MLLT3: variants seen among roughly 807,000 people sequenced by gnomAD.
MLLT3 encodes the protein protein AF-9.
A neutral mutation model predicts 53.2 loss-of-function variants in MLLT3; 4 were observed. The observed-to-expected ratio is 0.08, with a 90% confidence interval of 0.04 to 0.17. MLLT3 has a LOEUF of 0.17. Among genes scored for constraint, MLLT3 ranks in the 10% least tolerant of loss-of-function variants. MLLT3 has a pLI of 1.00. For synonymous variants in MLLT3, 283 were observed against 230.6 expected (o/e 1.23, Z -2.06); for missense variants, 569 against 684.0 (o/e 0.83, Z 1.87).
At chr9:20,611,041 T>C (rs1820688973) in intron 2 of MLLT3, among the ~76,000 whole-genome samples, 5 of 152,144 alleles carry the variant, frequency 3.3e-5, no homozygotes, top group Admixed American at 3.3e-4. Context: ...TAGAAGAATG[T>C]TTCTTCAATA....
chr9:20,347,189 T>C (rs938275113), intron 10 of MLLT3, among the ~76,000 whole-genome samples: 8 of 152,200 alleles, frequency 5.3e-5, no homozygotes, highest in African/African-American at 1.9e-4. Flanking sequence ...GGAACTGTTT[T>C]GTTGTTTGAC....
intron 8 of MLLT3, among the ~76,000 whole-genome samples, chr9:20,355,492 G>C (rs1410415315): frequency 2.6e-5 from 4 of 152,144 alleles, no homozygotes; most frequent in Non-Finnish European, 4.4e-5. Flanking sequence ...TACAACTTAA[G>C]TTATGAATAG....
chr9:20,436,716 C>G (rs1033563343), intron 4 of MLLT3, among the ~76,000 whole-genome samples: 1 of 152,052 alleles, frequency 6.6e-6, no homozygotes, highest in African/African-American at 2.4e-5. Context: ...GTATTTGATG[C>G]CTTAGTTTAC....
At chr9:20,458,906 A>G (rs1478410624) in intron 2 of MLLT3, among the ~76,000 whole-genome samples, 1 of 152,182 alleles carries the variant, frequency 6.6e-6, no homozygotes, top group Non-Finnish European at 1.5e-5. Context: ...CCCAATTGCC[A>G]TGTAGCCTTT....
chr9:20,441,422 G>A (rs1227086014), intron 4 of MLLT3, among the ~76,000 whole-genome samples: 2 of 151,996 alleles, frequency 1.3e-5, no homozygotes, highest in African/African-American at 4.8e-5. Context: ...TTGGAATTAA[G>A]GCTCACAATT....
chr9:20,500,399 T>C (rs909458641), intron 2 of MLLT3, among the ~76,000 whole-genome samples: 2 of 152,146 alleles, frequency 1.3e-5, no homozygotes, highest in South Asian at 2.1e-4. Flanking sequence ...AGAAATCACA[T>C]AGCATCATTT....
intron 4 of MLLT3, among the ~76,000 whole-genome samples, chr9:20,422,916 T>G (rs1823049509): frequency 6.6e-6 from 1 of 152,110 alleles, no homozygotes; most frequent in African/African-American, 2.4e-5. Context: ...GATGTAGAAG[T>G]TTTATCATTA....
At chr9:20,470,336 A>G (rs1463496592) in intron 2 of MLLT3, among the ~76,000 whole-genome samples, 1 of 151,964 alleles carries the variant, frequency 6.6e-6, no homozygotes, top group East Asian at 1.9e-4. Flanking sequence ...GTTTATTTAA[A>G]TTTCTCATCA....
At chr9:20,450,145 C>CA (rs1167420923) in intron 3 of MLLT3, among the ~76,000 whole-genome samples, 1 of 152,160 alleles carries the variant, frequency 6.6e-6, no homozygotes, top group Non-Finnish European at 1.5e-5. Flanking sequence ...TTAAATTACA[C>CA]AAAAATCATT....
At chr9:20,462,704 G>C (rs1438165238) in intron 2 of MLLT3, among the ~76,000 whole-genome samples, 4 of 152,024 alleles carry the variant, frequency 2.6e-5, no homozygotes, top group Non-Finnish European at 5.9e-5. Context: ...CTACCATCAA[G>C]TCCCATCCTC....
chr9:20,589,931 G>A (rs1286930441), intron 2 of MLLT3, among the ~76,000 whole-genome samples: 9 of 152,088 alleles, frequency 5.9e-5, no homozygotes, highest in Admixed American at 3.9e-4. Flanking sequence ...GGCTGGCCTC[G>A]AACTCCTGAC....
intron 2 of MLLT3, among the ~76,000 whole-genome samples, chr9:20,516,000 G>C (rs887637133): frequency 6.6e-6 from 1 of 152,184 alleles, no homozygotes; most frequent in African/African-American, 2.4e-5. Flanking sequence ...TGTGTGCCAT[G>C]GGAGCATAAC....
intron 7 of MLLT3, 64 bp downstream of exon 7, chr9:20,363,412 C>A: frequency 1.9e-6 from 3 of 1,593,008 alleles, no homozygotes; most frequent in South Asian, 2.3e-5. Context: ...GTGATTATCC[C>A]AGCAGGGCTT....
Position 20,346,111 on chromosome 9 carries a change from C to A in MLLT3, c.*332G>T, listed in dbSNP as rs1176430472. The A allele has an allele frequency of 3.4e-6, 1 of 295,082 alleles. No individual in the cohort carries two copies. Among genetic ancestry groups the A allele is most frequent in the Non-Finnish European group, 6.4e-6 (1 of 156,146 alleles). The allele number at this position is 295,082 out of a possible 1,614,324, so 18.3% of individuals were successfully genotyped here. A position where few individuals can be genotyped will look rare whatever the true frequency, so the allele number is the denominator to read the frequency against. ...TGGAATGAACCACCACAGAGAGATA[C>A]ATGATACCATACACATTCTTTGAGT... On this transcript the variant is annotated 3_prime_UTR_variant, in exon 11 of 11. Coordinates refer to ENST00000380338, the MANE Select transcript of MLLT3 (RefSeq NM_004529.4).
chr9:20,590,823 A>C (rs1449118164), intron 2 of MLLT3, among the ~76,000 whole-genome samples: 1 of 152,022 alleles, frequency 6.6e-6, no homozygotes, highest in Non-Finnish European at 1.5e-5. Context: ...GCAGCCTCGA[A>C]TTCCTGGGCT....
intron 2 of MLLT3, among the ~76,000 whole-genome samples, chr9:20,587,521 C>A (rs1351780169): frequency 2.3e-5 from 3 of 130,256 alleles, no homozygotes; most frequent in African/African-American, 5.5e-5. Context: ...TGCCTAAATT[C>A]TAAGATAAAA....
intron 5 of MLLT3, among the ~76,000 whole-genome samples, chr9:20,408,384 A>C (rs568289971): frequency 6.6e-5 from 10 of 152,096 alleles, no homozygotes; most frequent in African/African-American, 2.4e-4. Flanking sequence ...GATCACACCC[A>C]ACACAGAAAA....
chr9:20,586,734 A>T (rs796167109), intron 2 of MLLT3, among the ~76,000 whole-genome samples: 3 of 152,142 alleles, frequency 2.0e-5, no homozygotes, highest in African/African-American at 7.2e-5. Flanking sequence ...AGGGAAAAAA[A>T]GTAGAGAAAT....
chr9:20,616,154 A>C (rs1198666803), intron 2 of MLLT3, among the ~76,000 whole-genome samples: 6 of 152,168 alleles, frequency 3.9e-5, no homozygotes, highest in African/African-American at 1.4e-4. Context: ...TTACATTTCA[A>C]CCTCAACTTA....
Sources: gnomAD v4.1 joint callset for allele counts (sites outside exome capture counted in the v4.1 genomes callset) on GRCh38, gnomAD v4.1.1 for gene constraint, MANE v1.5 for transcripts, NCBI Gene and HGNC (gene_info 2026-07-23, HGNC 2026-07-21) for gene names.